COP1: variants seen among roughly 807,000 people sequenced by gnomAD.
COP1 encodes the protein E3 ubiquitin-protein ligase COP1.
A neutral mutation model predicts 101.3 loss-of-function variants in COP1; 24 were observed. The observed-to-expected ratio is 0.24, with a 90% CI of 0.17 to 0.33. COP1 has a LOEUF of 0.33. Among genes scored for constraint, COP1 ranks in the 10% least tolerant of loss-of-function variants. The pLI, the probability that COP1 is intolerant of heterozygous loss-of-function variation, is 1.00. For missense variants in COP1, 663 were observed against 906.2 expected (o/e 0.73, Z 3.45); for synonymous variants, 347 against 341.9 (o/e 1.01, Z -0.17).
chr1:175,947,649 C>G (rs141696579), intron 18 of COP1, among the ~76,000 whole-genome samples: 1 of 152,072 alleles, frequency 6.6e-6, no homozygotes, highest in Non-Finnish European at 1.5e-5. Context: ...GGATTACAGG[C>G]GTGAGCCACT....
At chr1:176,052,772 T>C (rs942332172) in intron 11 of COP1, among the ~76,000 whole-genome samples, 2 of 152,204 alleles carry the variant, frequency 1.3e-5, no homozygotes, top group African/African-American at 4.8e-5. Flanking sequence ...TAAACACGCA[T>C]ACACGTATTT....
At chr1:175,995,509 T>A (rs1423972110) in intron 15 of COP1, among the ~76,000 whole-genome samples, 1 of 151,660 alleles carries the variant, frequency 6.6e-6, no homozygotes, top group Non-Finnish European at 1.5e-5. Context: ...GCAAGACTAA[T>A]AAAGAAGAAA....
intron 15 of COP1, among the ~76,000 whole-genome samples, chr1:176,010,192 C>G (rs1640278930): frequency 6.6e-6 from 1 of 152,138 alleles, no homozygotes; most frequent in Non-Finnish European, 1.5e-5. Context: ...GCCCCCTGTA[C>G]CGCTGAACCA....
chr1:175,958,417 TC>T (rs1650938528), intron 18 of COP1, among the ~76,000 whole-genome samples: 1 of 151,842 alleles, frequency 6.6e-6, no homozygotes, highest in South Asian at 2.1e-4. Context: ...GCTAAATATT[TC>T]CCCCAAAATA....
At chr1:176,003,255 T>C (rs560404724) in intron 15 of COP1, among the ~76,000 whole-genome samples, 4 of 152,330 alleles carry the variant, frequency 2.6e-5, no homozygotes, top group Middle Eastern at 3.4e-3. Context: ...TATTAGCCCT[T>C]TGTCAGATGA....
At chr1:176,062,340 T>G (rs1675017788) in intron 11 of COP1, among the ~76,000 whole-genome samples, 1 of 152,108 alleles carries the variant, frequency 6.6e-6, no homozygotes, top group African/African-American at 2.4e-5. Flanking sequence ...CCAAAAGATT[T>G]GAATAGACAA....
At chr1:176,198,577 T>C (rs1057038867) in intron 1 of COP1, among the ~76,000 whole-genome samples, 4 of 152,028 alleles carry the variant, frequency 2.6e-5, no homozygotes, top group Non-Finnish European at 5.9e-5. Flanking sequence ...AAATTAAAAA[T>C]AATAAAAATC....
chr1:176,049,178 CAAA>C (rs61267982), intron 11 of COP1, among the ~76,000 whole-genome samples: 4 of 118,372 alleles, frequency 3.4e-5, no homozygotes, highest in Non-Finnish European at 5.2e-5. Flanking sequence ...GACTCCGTCT[CAAA>C]AAAAAAAAAA....
chr1:176,005,813 C>T (rs1479512638), intron 15 of COP1, among the ~76,000 whole-genome samples: 1 of 151,998 alleles, frequency 6.6e-6, no homozygotes, highest in South Asian at 2.1e-4. Flanking sequence ...TGCTGAAAAA[C>T]ATGCATATTC....
intron 18 of COP1, among the ~76,000 whole-genome samples, chr1:175,981,952 G>T (rs1655959669): frequency 6.6e-6 from 1 of 152,082 alleles, no homozygotes; most frequent in Non-Finnish European, 1.5e-5. Context: ...CCTCACAACT[G>T]CTAGAATTTC....
At chr1:176,081,711 C>T (rs966658999) in intron 10 of COP1, among the ~76,000 whole-genome samples, 1 of 151,770 alleles carries the variant, frequency 6.6e-6, no homozygotes, top group African/African-American at 2.4e-5. Flanking sequence ...TTTAAAATCC[C>T]GTTTATAATA....
At chr1:176,125,502 T>C (rs1017601128) in intron 8 of COP1, among the ~76,000 whole-genome samples, 1 of 152,224 alleles carries the variant, frequency 6.6e-6, no homozygotes, top group African/African-American at 2.4e-5. Context: ...CCAATTTATG[T>C]TCTTAGCAAC....
chr1:176,032,928 T>C (rs1167057218), intron 14 of COP1, among the ~76,000 whole-genome samples: 4 of 152,150 alleles, frequency 2.6e-5, no homozygotes, highest in Non-Finnish European at 5.9e-5. Context: ...CTTTAACTTA[T>C]AGGAAAGGTA....
chr1:176,023,403 T>C (rs2149039083), intron 15 of COP1, among the ~76,000 whole-genome samples: 1 of 152,210 alleles, frequency 6.6e-6, no homozygotes, highest in African/African-American at 2.4e-5. Flanking sequence ...TTAGAAAACT[T>C]AGAAAATATG....
intron 1 of COP1, among the ~76,000 whole-genome samples, chr1:176,191,224 G>C (rs1291345855): frequency 1.3e-5 from 2 of 151,816 alleles, no homozygotes; most frequent in African/African-American, 4.8e-5. Context: ...AAATTTCAAG[G>C]TCTTAAATTC....
intron 2 of COP1, among the ~76,000 whole-genome samples, chr1:176,178,291 T>G (rs541443157): frequency 6.6e-6 from 1 of 152,062 alleles, no homozygotes; most frequent in African/African-American, 2.4e-5. Flanking sequence ...AATTTAACTC[T>G]TTTTTTAAAT....
At chr1:175,951,400 A>G (rs1023461099) in intron 18 of COP1, among the ~76,000 whole-genome samples, 1 of 142,828 alleles carries the variant, frequency 7.0e-6, no homozygotes, top group African/African-American at 2.5e-5. Context: ...TAGTATAGGT[A>G]TAAGTATATA....
At chr1:176,029,853 C>T (rs568712289) in intron 14 of COP1, among the ~76,000 whole-genome samples, 90 of 152,246 alleles carry the variant, frequency 5.9e-4, no homozygotes, top group Non-Finnish European at 9.7e-4. Flanking sequence ...AGAAATTAAT[C>T]ATTATCAAAA....
intron 3 of COP1, chr1:176,168,515 A>AGGGG (rs1695517844): frequency 4.1e-5 from 1 of 24,180 alleles, no homozygotes; most frequent in Admixed American, 5.6e-4. Flanking sequence ...GGAGGGAGGG[A>AGGGG]GGGAGGGAGG....
Sources: gnomAD v4.1 joint callset for allele counts (sites outside exome capture counted in the v4.1 genomes callset) on GRCh38, gnomAD v4.1.1 for gene constraint, MANE v1.5 for transcripts, NCBI Gene and HGNC (gene_info 2026-07-23, HGNC 2026-07-21) for gene names.